DGKH: variants seen among roughly 807,000 people sequenced by gnomAD.
The protein encoded by DGKH is DAG kinase eta.
DGKH carries 90 observed loss-of-function variants against 159.3 expected under a neutral mutation model. The observed-to-expected ratio is 0.57, with a 90% CI of 0.48 to 0.67. The LOEUF is 0.67. Ranked by LOEUF, DGKH falls within the 30% of genes least tolerant of loss-of-function variation. The pLI is 0.00. For missense variants in DGKH, 1,181 were observed against 1,506.1 expected, an observed-to-expected ratio of 0.78 and a Z score of 3.57; for synonymous variants, 536 against 553.8, an observed-to-expected ratio of 0.97 and a Z score of 0.45.
intron 1 of DGKH, among the ~76,000 whole-genome samples, chr13:42,056,389 T>A (rs1881760520): frequency 6.6e-6 from 1 of 152,202 alleles, no homozygotes; most frequent in African/African-American, 2.4e-5. Flanking sequence ...CATTTGAGTA[T>A]CAGCACTTTT....
intron 1 of DGKH, among the ~76,000 whole-genome samples, chr13:42,042,124 C>T (rs548036831): frequency 1.3e-5 from 2 of 152,226 alleles, no homozygotes; most frequent in Non-Finnish European, 2.9e-5. Flanking sequence ...AACATGTCGT[C>T]AGGTTGCCCA....
At chr13:42,106,762 G>A (rs1275377929) in intron 1 of DGKH, among the ~76,000 whole-genome samples, 1 of 152,180 alleles carries the variant, frequency 6.6e-6, no homozygotes, top group Non-Finnish European at 1.5e-5. Flanking sequence ...TGAAAAAAGA[G>A]GCTGGGCGCG....
intron 29 of DGKH, among the ~76,000 whole-genome samples, chr13:42,252,198 A>G (rs771168710): frequency 3.9e-5 from 6 of 151,966 alleles, no homozygotes; most frequent in Non-Finnish European, 8.8e-5. Context: ...AATGTATGGT[A>G]GAATTATCTG....
chr13:42,181,737 G>T, intron 13 of DGKH: 1 of 774,208 alleles, frequency 1.3e-6, no homozygotes, highest in South Asian at 1.5e-5. Flanking sequence ...CACGCCAGCT[G>T]CAGTGGTTGC....
chr13:42,101,422 T>G (rs1029270284), intron 1 of DGKH, among the ~76,000 whole-genome samples: 1 of 152,232 alleles, frequency 6.6e-6, no homozygotes, highest in Non-Finnish European at 1.5e-5. Flanking sequence ...CTATTTAAAT[T>G]AAAACCAATT....
At chr13:42,183,495 GTTAT>G (rs751539647) in intron 13 of DGKH, among the ~76,000 whole-genome samples, 1 of 151,976 alleles carries the variant, frequency 6.6e-6, no homozygotes, top group African/African-American at 2.4e-5. Flanking sequence ...TTTTGTGAAT[GTTAT>G]TTATTTATTC....
In DGKH at chr13:42,206,103, A is replaced by G; in HGVS notation, c.2558A>G (p.Tyr853Cys). ...QGIAVLNIPS[Y>C]AGGTNFWGGT... is the part of the protein sequence containing the mutation. ...ATAGCCGTGTTGAACATTCCCAGCT[A>G]TGCTGGAGGCACTAACTTTTGGGGT... Residue 853 changes from tyrosine (Y) to cysteine (C), a missense_variant, in exon 21 of 30, where the codon TAT becomes TGT. Around this residue, in one of 5 missense-constraint regions of DGKH, gnomAD observed 335 missense variants for 495.2 expected, o/e 0.68. Transcript: ENST00000337343. 1 of 1,459,666 alleles carries G rather than the reference A, an allele frequency of 6.9e-7. No individual in the cohort carries two copies. The highest frequency in any genetic ancestry group is 9.1e-7 in the Non-Finnish European group (1 of 1,097,514). The allele number at this position is 1,459,666 out of a possible 1,614,324, so 90.4% of individuals were successfully genotyped here. A position where few individuals can be genotyped will look rare whatever the true frequency, so the allele number is the denominator to read the frequency against.
At chr13:42,062,267 T>G (rs1882236350) in intron 1 of DGKH, among the ~76,000 whole-genome samples, 1 of 152,202 alleles carries the variant, frequency 6.6e-6, no homozygotes, top group African/African-American at 2.4e-5. Context: ...CCTTTTCCTA[T>G]TTCTCTGTTT....
intron 12 of DGKH, among the ~76,000 whole-genome samples, chr13:42,176,848 G>T (rs1343064473): frequency 1.3e-5 from 2 of 152,162 alleles, no homozygotes; most frequent in Admixed American, 6.5e-5. Flanking sequence ...TACATTTGAT[G>T]TAAGGCTCTG....
chr13:42,195,505 A>C (rs1181785475), intron 17 of DGKH, among the ~76,000 whole-genome samples: 1 of 152,190 alleles, frequency 6.6e-6, no homozygotes, highest in East Asian at 1.9e-4. Flanking sequence ...CTGTCTCAGA[A>C]AACAAACAAA....
At position 42,190,488 on chromosome 13, in the gene DGKH, G is replaced by A. The variant is rs772857921; in HGVS notation, c.1998G>A (p.Glu666=). Reference sequence around the variant, plus strand: ...GCACAGAAACAGATGAATCTAAGGAGGAAGCTAAAGATGATGGTGCCAAAG... The same window carrying A: ...GCACAGAAACAGATGAATCTAAGGAAGAAGCTAAAGATGATGGTGCCAAAG... ...YDSTETDESK[E]EAKDDGAKES... is the part of the protein sequence containing the mutation. Residue 666 remains glutamate (E), a synonymous_variant, in exon 16 of 30, where the codon GAG becomes GAA. Transcript: ENST00000337343. 2 of 1,607,548 alleles carry A rather than the reference G, an allele frequency of 1.2e-6. No individual in the cohort carries two copies. The highest frequency in any genetic ancestry group is 1.1e-5 in the South Asian group (1 of 89,648).
intron 1 of DGKH, chr13:42,070,012 C>T (rs1882849519): frequency 3.6e-6 from 3 of 843,272 alleles, no homozygotes; most frequent in Non-Finnish European, 6.1e-6. Flanking sequence ...TGAAAACTGA[C>T]AGTCATAGTA....
At chr13:42,139,996 C>A (rs1450867637) in intron 3 of DGKH, among the ~76,000 whole-genome samples, 1 of 152,170 alleles carries the variant, frequency 6.6e-6, no homozygotes, top group East Asian at 1.9e-4. Flanking sequence ...GACGGAATTA[C>A]AATCTTCTTA....
intron 29 of DGKH, among the ~76,000 whole-genome samples, chr13:42,228,152 T>C (rs1411168201): frequency 6.6e-6 from 1 of 152,144 alleles, no homozygotes; most frequent in Admixed American, 6.5e-5. Flanking sequence ...AGGTTTAATT[T>C]ATTCCTGCAA....
intron 1 of DGKH, 50 bp from the exon 2 acceptor site, chr13:42,127,413 G>C (rs767066460): frequency 7.5e-7 from 1 of 1,329,770 alleles, no homozygotes; most frequent in South Asian, 1.2e-5. Flanking sequence ...AATTTCATTT[G>C]GTTTTGAATT....
intron 24 of DGKH, 104 bp downstream of exon 24, chr13:42,210,869 A>G (rs1957640292): frequency 1.0e-6 from 1 of 988,976 alleles, no homozygotes; most frequent in Non-Finnish European, 1.5e-6. Flanking sequence ...TCAAAAAGAG[A>G]TGCAATTACT....
chr13:42,159,335 C>T lies in DGKH; in HGVS notation c.692C>T (p.Ala231Val). Residue 231 changes from alanine (A) to valine (V), a missense_variant, in exon 6 of 30, where the codon GCC (alanine) becomes GTC (valine). By Grantham distance (64) the Ala-to-Val change is moderately conservative. Transcript: ENST00000337343. ...ATNNCKWTTL[A>V]SIGKDIIEDE... is the part of the protein sequence containing the mutation. ...AATAACTGTAAATGGACTACCCTGG[C>T]CTCCATCGGGAAGGACATTATAGAA... The T allele has an allele frequency of 6.4e-7, 1 of 1,561,526 alleles. No individual in the cohort carries two copies. The highest frequency in any genetic ancestry group is 8.7e-7 in the Non-Finnish European group (1 of 1,150,060).
chr13:42,086,997 T>G (rs944515277), intron 1 of DGKH, among the ~76,000 whole-genome samples: 1 of 151,244 alleles, frequency 6.6e-6, no homozygotes, highest in Non-Finnish European at 1.5e-5. Flanking sequence ...AACTATTCTG[T>G]GCGTTAATGG....
chr13:42,229,119 G>A lies in DGKH; in HGVS notation c.3594G>A (p.Val1198=), dbSNP rs1380611451. 1 of 1,611,002 alleles carries A rather than the reference G, an allele frequency of 6.2e-7. No homozygotes were observed. Residue 1198 remains valine, a synonymous_variant, in exon 30 of 30, where the codon GTG becomes GTA. Transcript: ENST00000337343. ...TTTAGGATCTGGGGATACCGAAAGT[G>A]GGTCATGTGAAGCGAATTCTCCAGG... The part of the protein sequence containing the change: ...RDLKDLGIPK[V]GHVKRILQGI...
Sources: allele counts gnomAD v4.1 joint callset (sites outside exome capture counted in the v4.1 genomes callset), GRCh38; gene constraint gnomAD v4.1.1; regional missense constraint gnomAD v4.1.1; transcripts MANE v1.5; gene names NCBI Gene and HGNC (gene_info 2026-07-23, HGNC 2026-07-21).